AK9: variants seen among roughly 807,000 people sequenced by gnomAD.
AK9 encodes adenylate kinase 9, also known as adenylate kinase domain containing 1.
A neutral mutation model predicts 239.6 loss-of-function variants in AK9; 191 were observed. That is an observed-to-expected ratio of 0.80 (90% CI 0.71 to 0.90). The LOEUF (loss-of-function observed/expected upper bound fraction) is 0.90. AK9 is among the 40% of genes least tolerant of loss of function. The probability of loss-of-function intolerance (pLI) is 0.00; values close to 1 mark genes in which losing one functional copy is unlikely to be tolerated. For synonymous variants in AK9, 689 were observed against 721.0 expected, an observed-to-expected ratio of 0.96 and a Z score of 0.71; for missense variants, 1,995 against 2,214.7, an observed-to-expected ratio of 0.90 and a Z score of 1.99.
At chr6:109,593,977 C>T (rs566483788) in intron 17 of AK9, among the ~76,000 whole-genome samples, 2 of 152,302 alleles carry the variant, frequency 1.3e-5, no homozygotes, top group South Asian at 4.1e-4. Flanking sequence ...CCCTCTCTCA[C>T]CACTCCTATT....
At chr6:109,529,424 T>C (rs1444980488) in intron 28 of AK9, among the ~76,000 whole-genome samples, 2 of 152,278 alleles carry the variant, frequency 1.3e-5, no homozygotes, top group Admixed American at 6.5e-5. Flanking sequence ...GGTAAGCTTT[T>C]AACACACTAT....
In AK9 at chr6:109,534,866, T is replaced by G. The variant is rs570758531; in HGVS notation, c.3351-1396A>C. Among the ~76,000 whole-genome samples the G allele has an allele frequency of 4.6e-5, 7 of 152,284 alleles. No homozygotes were observed. In the South Asian group the frequency reaches 1.4e-3, roughly 32 times the overall value. On this transcript the variant is annotated intron_variant, in intron 27 of 40. Coordinates refer to ENST00000424296, the MANE Select transcript of AK9 (RefSeq NM_001145128.3). ...TGAGAATATGCGGTGTTTGGTTTTTTGTCCTCACGATAGTTTGCTGAGAAT... is the reference window on the plus strand; with the variant it reads ...TGAGAATATGCGGTGTTTGGTTTTTGGTCCTCACGATAGTTTGCTGAGAAT...
intron 26 of AK9, among the ~76,000 whole-genome samples, chr6:109,543,792 C>T (rs551103983): frequency 2.0e-5 from 3 of 151,828 alleles, no homozygotes; most frequent in African/African-American, 7.2e-5. Context: ...TTCTCCTGAA[C>T]GCTACTAAAT....
intron 24 of AK9, among the ~76,000 whole-genome samples, chr6:109,552,530 G>T (rs1259936463): frequency 6.6e-6 from 1 of 152,032 alleles, no homozygotes; most frequent in African/African-American, 2.4e-5. Context: ...CATACATTTG[G>T]ACTACTTTTT....
In AK9 at chr6:109,495,440, C is replaced by G; in HGVS notation, c.5316G>C (p.Arg1772Ser). 1 of 1,610,420 alleles carries G rather than the reference C, an allele frequency of 6.2e-7. No homozygotes were observed. Among genetic ancestry groups the G allele is most frequent in the Non-Finnish European group, 8.5e-7 (1 of 1,178,078 alleles). ...ENKEKLQKFL[R>S]SPLKYWEQKL... ...TCTGTTCCCAGTATTTCAGTGGCGACCTAAGAACACAAAGTTCATTAGATG... is the reference window on the plus strand; with the variant it reads ...TCTGTTCCCAGTATTTCAGTGGCGAGCTAAGAACACAAAGTTCATTAGATG... Residue 1772 changes from arginine (R) to serine (S), a missense_variant and splice_region_variant, in exon 39 of 41, where the codon AGG becomes AGC. By Grantham distance (110) the Arg-to-Ser change is moderately radical. Coordinates refer to ENST00000424296, the MANE Select transcript of AK9 (RefSeq NM_001145128.3).
chr6:109,510,705 A>C (rs1562331102), intron 32 of AK9, among the ~76,000 whole-genome samples: 1 of 152,172 alleles, frequency 6.6e-6, no homozygotes, highest in African/African-American at 2.4e-5. Context: ...TTCACTCTTC[A>C]CTTGTCTGCC....
intron 25 of AK9, among the ~76,000 whole-genome samples, chr6:109,548,857 T>C (rs952370980): frequency 2.0e-5 from 3 of 152,176 alleles, no homozygotes; most frequent in Non-Finnish European, 4.4e-5. Flanking sequence ...ATCAGTATGA[T>C]CCTGAAGACA....
chr6:109,581,545 A>T (rs1469176922), intron 19 of AK9, among the ~76,000 whole-genome samples: 1 of 152,208 alleles, frequency 6.6e-6, no homozygotes, highest in Non-Finnish European at 1.5e-5. Context: ...AATCAGGAGC[A>T]AGGCCCTAAT....
chr6:109,662,408 A>C lies in AK9; in HGVS notation c.444+143T>G. 5 of 635,828 alleles carry C rather than the reference A, an allele frequency of 7.9e-6. No homozygotes were observed. The South Asian group carries it at 2.9e-4, about 37-fold the overall frequency. 39.4% of individuals were successfully genotyped at this position (635,828 alleles called of 1,614,324 possible). ...GCTTTAGGAGCAAGAGCACAGAACT[A>C]TGAGAAGTATGACTCAGTTCCTGTG... On this transcript the variant is annotated intron_variant, in intron 6 of 40. Coordinates refer to ENST00000424296, the MANE Select transcript of AK9 (RefSeq NM_001145128.3).
chr6:109,511,528 T>G (rs539105394), intron 32 of AK9, among the ~76,000 whole-genome samples: 1 of 152,332 alleles, frequency 6.6e-6, no homozygotes, highest in African/African-American at 2.4e-5. Context: ...TCACACTGGC[T>G]TCTCCTGAGT....
At chr6:109,605,225 C>A (rs1583221932) in intron 17 of AK9, among the ~76,000 whole-genome samples, 2 of 152,000 alleles carry the variant, frequency 1.3e-5, no homozygotes, top group Non-Finnish European at 2.9e-5. Flanking sequence ...CACTTGAGCC[C>A]AGGAGTTTGA....
In AK9 at chr6:109,499,184, G is replaced by C. The variant is rs1384439879; in HGVS notation, c.4906C>G (p.Leu1636Val). The stretch of plus-strand genomic sequence containing the variant: ...GGGCAGAACTGTTCAAATTCTCCCA[G>C]GCGAGAAAGCAGCTCTTGAGGTGTG... ...CITPQELLSR[L>V]GEFEQFCPVS... The change falls in exon 36 of 41, where the codon CTG becomes GTG. Residue 1636 changes from leucine (L) to valine (V), a missense_variant. By Grantham distance (32) the Leu-to-Val change is conservative. Transcript: ENST00000424296. 2.5e-6 allele frequency: 4 copies of C among 1,592,898 alleles called. No homozygotes were observed. In the African/African-American group the frequency reaches 5.4e-5, roughly 21 times the overall value.
At chr6:109,620,696 A>AT (rs1192876316) in intron 12 of AK9, among the ~76,000 whole-genome samples, 1 of 151,980 alleles carries the variant, frequency 6.6e-6, no homozygotes, top group African/African-American at 2.4e-5. Flanking sequence ...CATGCATAGT[A>AT]TTGCATCAGA....
chr6:109,650,700 A>G (rs139710572), intron 8 of AK9, among the ~76,000 whole-genome samples: 2,234 of 152,320 alleles, frequency 0.015, 59 homozygotes, highest in African/African-American at 0.051. Context: ...AGAACTGGAA[A>G]TACCATTTGA....
chr6:109,513,302 G>A (rs1278598152), intron 32 of AK9, among the ~76,000 whole-genome samples: 5 of 152,040 alleles, frequency 3.3e-5, no homozygotes, highest in East Asian at 1.9e-4. Flanking sequence ...ATTAAAAAAT[G>A]GATTTGTATC....
At position 109,546,047 on chromosome 6, in the gene AK9, T is replaced by A. The variant is rs747653483; in HGVS notation, c.3045A>T (p.Leu1015Phe). The change falls in exon 26 of 41, where the codon TTA (leucine) becomes TTT (phenylalanine). Residue 1015 changes from leucine (L) to phenylalanine (F), a missense_variant. Transcript: ENST00000424296. ...CTTCAAACTGAATGTGAAAAATGTT[T>A]AATTTTTCTGCCAACTGTCTTCCAC... ...TMCGRQLAEK[L>F]NIFHIQFEEV... is the part of the protein sequence containing the mutation. The A allele has an allele frequency of 3.7e-6, 6 of 1,611,674 alleles. No individual in the cohort carries two copies. Among genetic ancestry groups the A allele is most frequent in the Non-Finnish European group, 4.2e-6 (5 of 1,178,568 alleles).
chr6:109,680,609 A>G (rs1772472960), intron 1 of AK9, among the ~76,000 whole-genome samples: 1 of 152,206 alleles, frequency 6.6e-6, no homozygotes, highest in Non-Finnish European at 1.5e-5. Context: ...AGAGAACACC[A>G]TGAAGATATC....
chr6:109,567,908 A>G (rs570752870), intron 21 of AK9, among the ~76,000 whole-genome samples: 1 of 151,558 alleles, frequency 6.6e-6, no homozygotes, highest in Admixed American at 6.6e-5. Context: ...GAAAAAGGGA[A>G]TCCTCCCTAA....
intron 29 of AK9, among the ~76,000 whole-genome samples, chr6:109,518,306 A>G (rs76572800): frequency 0.025 from 3,857 of 152,148 alleles, 92 homozygotes; most frequent in East Asian, 0.11. Flanking sequence ...CAGATCATTT[A>G]GCCTCCTTAC....
Sources: gnomAD v4.1 joint callset for allele counts (sites outside exome capture counted in the v4.1 genomes callset) on GRCh38, gnomAD v4.1.1 for gene constraint, MANE v1.5 for transcripts, NCBI Gene and HGNC (gene_info 2026-07-23, HGNC 2026-07-21) for gene names.